The following TNKS variants were observed in gnomAD, a reference collection of about 807,000 sequenced individuals.
The protein encoded by TNKS is tankyrase.
A neutral mutation model predicts 135.8 loss-of-function variants in TNKS; 72 were observed. That is an observed-to-expected ratio of 0.53 (90% CI 0.44 to 0.64). The LOEUF is 0.64. TNKS is among the 30% of genes least tolerant of loss of function. The pLI is 0.00. For synonymous variants in TNKS, 849 were observed against 649.3 expected (o/e 1.31, Z -4.68); for missense variants, 1,769 against 1,674.0 (o/e 1.06, Z -0.99).
intron 2 of TNKS, among the ~76,000 whole-genome samples, chr8:9,600,977 T>C (rs1798993755): frequency 6.6e-6 from 1 of 152,240 alleles, no homozygotes; most frequent in Non-Finnish European, 1.5e-5. Context: ...GGAAGAATGA[T>C]CCAATTTTTC....
chr8:9,557,700 A>G (rs945679323), intron 1 of TNKS: 2 of 151,720 alleles, frequency 1.3e-5, no homozygotes, highest in Non-Finnish European at 2.9e-5. Flanking sequence ...TTTCTCCTAT[A>G]TTTCTAATAT....
chr8:9,562,058 C>T lies in TNKS; in HGVS notation c.673+5446C>T, dbSNP rs990536620. On this transcript the variant is annotated intron_variant, in intron 1 of 26. Transcript: ENST00000310430. The stretch of plus-strand genomic sequence containing the variant: ...TCACGAACTCCTGACCTCAGGTGTT[C>T]CATCCACCTCAGTCTCCCAAAGTGC... Among the ~76,000 whole-genome samples the T allele has an allele frequency of 3.3e-5, 5 of 152,196 alleles. 1 individual carries two copies. The highest frequency in any genetic ancestry group is 1.2e-4 in the African/African-American group (5 of 41,540).
chr8:9,718,047 A>C (rs1304701916), intron 11 of TNKS, among the ~76,000 whole-genome samples: 1 of 152,144 alleles, frequency 6.6e-6, no homozygotes, highest in Admixed American at 6.5e-5. Flanking sequence ...AAAGGTACAG[A>C]AAATGGAAAC....
At chr8:9,599,175 G>C (rs1032804056) in intron 2 of TNKS, among the ~76,000 whole-genome samples, 2 of 152,142 alleles carry the variant, frequency 1.3e-5, no homozygotes, top group African/African-American at 4.8e-5. Context: ...TAATATAGCA[G>C]TTAGGTGTGG....
At chr8:9,599,789 T>C (rs1302274757) in intron 2 of TNKS, among the ~76,000 whole-genome samples, 2 of 146,860 alleles carry the variant, frequency 1.4e-5, no homozygotes, top group Non-Finnish European at 3.0e-5. Flanking sequence ...GATGTGCCTT[T>C]TTAAAAAAAA....
At chr8:9,617,527 G>A (rs1799690904) in intron 3 of TNKS, among the ~76,000 whole-genome samples, 1 of 152,204 alleles carries the variant, frequency 6.6e-6, no homozygotes, top group African/African-American at 2.4e-5. Context: ...ATATAAACCA[G>A]TTCTGTTTCT....
At position 9,626,928 on chromosome 8, in the gene TNKS, A is replaced by G. The variant is rs568024355; in HGVS notation, c.994+11251A>G. ...TCGAAGTCATGTCTTTTTGTATGCT[A>G]ATGAGTTTACTGATGCCTGGCAGTC... is the stretch of plus-strand genomic sequence containing the variant. On this transcript the variant is annotated intron_variant, in intron 3 of 26. Transcript: ENST00000310430. Among the ~76,000 whole-genome samples the G allele has an allele frequency of 7.2e-5, 11 of 152,298 alleles. 1 individual carries two copies. The highest frequency in any genetic ancestry group is 2.6e-4 in the African/African-American group (11 of 41,554).
In TNKS at chr8:9,556,068, C is replaced by T. The variant is rs771562040; in HGVS notation, c.129C>T (p.Thr43=). Residue 43 remains threonine (T), a synonymous_variant, in exon 1 of 27, where the codon ACC becomes ACT. Transcript: ENST00000310430. ...PPLSPGLAPG[T]TPASPTASGL... is the part of the protein sequence containing the mutation. ...TCAGCCCTGGCCTGGCCCCGGGGACCACCCCAGCCTCTCCCACGGCCAGCG... is the reference window on the plus strand; with the variant it reads ...TCAGCCCTGGCCTGGCCCCGGGGACTACCCCAGCCTCTCCCACGGCCAGCG... 19 of 1,606,852 alleles carry T rather than the reference C, an allele frequency of 1.2e-5. No homozygotes were observed. The African/African-American group carries it at 2.3e-4, about 19-fold the overall frequency.
At chr8:9,606,534 A>G (rs1352679080) in intron 2 of TNKS, among the ~76,000 whole-genome samples, 2 of 152,000 alleles carry the variant, frequency 1.3e-5, no homozygotes, top group Non-Finnish European at 2.9e-5. Flanking sequence ...ACAGTTTCCC[A>G]CTTGATTATC....
rs144531735 is a variant in TNKS at position 9,589,102 on chromosome 8, A to G, written c.898+8719A>G. The stretch of plus-strand genomic sequence containing the variant: ...TTATTTCCCTGCTCCCACTGAACCT[A>G]TTGACATGAGAAAAAATCTATAGCT... On this transcript the variant is annotated intron_variant, in intron 2 of 26. Transcript: ENST00000310430. Among the ~76,000 whole-genome samples, 4 of 152,292 alleles carry G rather than the reference A, an allele frequency of 2.6e-5. No homozygotes were observed. In the East Asian group the frequency reaches 5.8e-4, roughly 22 times the overall value.
chr8:9,766,483 C>CA, intron 25 of TNKS, 58 bp downstream of exon 25: 1 of 890,048 alleles, frequency 1.1e-6, no homozygotes, highest in Non-Finnish European at 1.5e-6. Flanking sequence ...ACCAAATTGT[C>CA]TTTTTTTTTT....
chr8:9,631,123 C>G (rs1800272658), intron 3 of TNKS, among the ~76,000 whole-genome samples: 1 of 152,200 alleles, frequency 6.6e-6, no homozygotes, highest in African/African-American at 2.4e-5. Flanking sequence ...CTCATATCTA[C>G]AAATGTACTG....
At chr8:9,749,446 C>G (rs1282985549) in intron 18 of TNKS, among the ~76,000 whole-genome samples, 1 of 148,944 alleles carries the variant, frequency 6.7e-6, no homozygotes, top group Non-Finnish European at 1.5e-5. Context: ...CTGTGGCTGT[C>G]TTTTTTTTTC....
intron 5 of TNKS, among the ~76,000 whole-genome samples, chr8:9,699,879 T>G (rs1051758296): frequency 6.6e-6 from 1 of 152,216 alleles, no homozygotes; most frequent in African/African-American, 2.4e-5. Context: ...TTCTCATTAT[T>G]CTTAGGCTCT....
intron 3 of TNKS, among the ~76,000 whole-genome samples, chr8:9,650,291 A>G (rs1266566425): frequency 3.3e-5 from 5 of 152,050 alleles, no homozygotes; most frequent in African/African-American, 1.2e-4. Flanking sequence ...CATGGGTGCA[A>G]GTATCTTTTT....
At chr8:9,738,823 T>G (rs1805777044) in intron 17 of TNKS, among the ~76,000 whole-genome samples, 1 of 119,556 alleles carries the variant, frequency 8.4e-6, no homozygotes, top group Non-Finnish European at 1.7e-5. Flanking sequence ...CTTCCAACTA[T>G]GTGGTCAATT....
intron 6 of TNKS, among the ~76,000 whole-genome samples, chr8:9,705,546 G>A (rs1804002296): frequency 6.6e-6 from 1 of 152,172 alleles, no homozygotes; most frequent in Admixed American, 6.5e-5. Flanking sequence ...ACACTTACCA[G>A]AAGAATTCTT....
chr8:9,649,327 G>A (rs1052649931), intron 3 of TNKS, among the ~76,000 whole-genome samples: 1 of 152,064 alleles, frequency 6.6e-6, no homozygotes, highest in African/African-American at 2.4e-5. Context: ...AGAGAATACT[G>A]GACAAATTAT....
At chr8:9,671,757 C>T (rs1322695994) in intron 3 of TNKS, among the ~76,000 whole-genome samples, 2 of 152,118 alleles carry the variant, frequency 1.3e-5, no homozygotes, top group Admixed American at 1.3e-4. Flanking sequence ...AATTATACTT[C>T]GAAAAATGAA....
Sources: gnomAD v4.1 joint callset for allele counts (sites outside exome capture counted in the v4.1 genomes callset) on GRCh38, gnomAD v4.1.1 for gene constraint, MANE v1.5 for transcripts, NCBI Gene and HGNC (gene_info 2026-07-23, HGNC 2026-07-21) for gene names.